SHFL: variants seen among roughly 807,000 people sequenced by gnomAD.
SHFL encodes shiftless antiviral inhibitor of ribosomal frameshifting protein.
A neutral mutation model predicts 34.7 loss-of-function variants in SHFL; 12 were observed. That is an observed-to-expected ratio of 0.35 (90% CI 0.22 to 0.56). The LOEUF (loss-of-function observed/expected upper bound fraction) is 0.56. SHFL is among the 20% of genes least tolerant of loss of function. The pLI is 0.88. For missense variants in SHFL, 278 were observed against 411.1 expected (o/e 0.68, Z 2.80); for synonymous variants, 148 against 156.0 (o/e 0.95, Z 0.38).
In SHFL at chr19:10,089,963, C is replaced by T. The variant is rs567222699; in HGVS notation, c.300C>T (p.Asp100=). ...TACGCATGTTTCAACGTGCCCAGGA[C>T]GACCTTATCCCTGCTGTGGACCGGC... ...ANLRMFQRAQ[D]DLIPAVDRQF... The change falls in exon 5 of 8, where the codon GAC becomes GAT. Residue 100 remains aspartate (D), a synonymous_variant. Transcript: ENST00000253110. The T allele has an allele frequency of 2.3e-5, 37 of 1,611,466 alleles. No individual in the cohort carries two copies. In the South Asian group the frequency reaches 2.9e-4, roughly 13 times the overall value.
chr19:10,089,886 C>CCCATT lies in SHFL; in HGVS notation c.235-8_235-4dup, dbSNP rs2088352232. 6.2e-7 allele frequency: 1 copy of CCCATT among 1,610,100 alleles called. No individual in the cohort carries two copies. The highest frequency in any genetic ancestry group is 8.5e-7 in the Non-Finnish European group (1 of 1,178,542). ...ACCCCCCCACCTCATCCCCACCTGC[C>CCCATT]CCATTCCACAGGCAGTGGCGACCTC... On this transcript the variant is annotated splice_polypyrimidine_tract_variant and intron_variant, in intron 4 of 7. Coordinates refer to ENST00000253110, the MANE Select transcript of SHFL (RefSeq NM_018381.4).
intron 2 of SHFL, 35 bp downstream of exon 2, chr19:10,087,087 A>G: frequency 6.2e-7 from 1 of 1,601,002 alleles, no homozygotes. Context: ...TGGTGCGGGG[A>G]CCGCGCGTGG....
chr19:10,090,112 A>G, intron 5 of SHFL, 65 bp downstream of exon 5: 1 of 1,519,188 alleles, frequency 6.6e-7, no homozygotes, highest in Non-Finnish European at 8.9e-7. Context: ...TCCTATCCTC[A>G]GTGACTGTAC....
Position 10,091,642 on chromosome 19 carries a change from C to T in SHFL, c.643+12C>T. The T allele has an allele frequency of 6.5e-7, 1 of 1,543,186 alleles. No homozygotes were observed. The highest frequency in any genetic ancestry group is 2.4e-5 in the East Asian group (1 of 40,834). On this transcript the variant is annotated intron_variant, in intron 7 of 7. Coordinates refer to ENST00000253110, the MANE Select transcript of SHFL (RefSeq NM_018381.4). This position sits in a 1 kb window ranked among gnomAD's most constrained non-coding sequence, Gnocchi z 8.2. ...CTACAACCGGCGAGGTGAGGCTCTT[C>T]TCCCCCAACAGCCTGGACAGTCTTT...
Position 10,089,680 on chromosome 19 carries a change from G to C in SHFL, c.219G>C (p.Gln73His), listed in dbSNP as rs765381361. ...AGGATCCACCAGAAGATATGAAGCA[G>C]GACCGGGACATTCAGGTGAGTTGGT... is the stretch of plus-strand genomic sequence containing the variant. ...DAQDPPEDMK[Q>H]DRDIQAVATS... is the part of the protein sequence containing the mutation. Residue 73 changes from glutamine (Q) to histidine (H), a missense_variant, in exon 4 of 8, where the codon CAG (glutamine) becomes CAC (histidine). Coordinates refer to ENST00000253110, the MANE Select transcript of SHFL (RefSeq NM_018381.4). 6.3e-7 allele frequency: 1 copy of C among 1,598,900 alleles called. No individual in the cohort carries two copies. The highest frequency in any genetic ancestry group is 1.1e-5 in the South Asian group (1 of 88,324).
chr19:10,091,429 C>A lies in SHFL; in HGVS notation c.489-47C>A, dbSNP rs1232622954. The A allele has an allele frequency of 3.2e-6, 5 of 1,551,324 alleles. No homozygotes were observed. The highest frequency in any genetic ancestry group is 1.4e-5 in the African/African-American group (1 of 73,556). Reference sequence around the variant, plus strand: ...TGCCCCTCCCTGCCCTGGCCCCACCCTGGCCCAGCCTCGCCCTCGGACCCT... The same window carrying A: ...TGCCCCTCCCTGCCCTGGCCCCACCATGGCCCAGCCTCGCCCTCGGACCCT... On this transcript the variant is annotated intron_variant, in intron 6 of 7. Transcript: ENST00000253110. The surrounding 1 kb of genome is among the most constrained non-coding windows in gnomAD (Gnocchi z 8.2).
In SHFL at chr19:10,086,807, G is replaced by GT. The variant is rs888581189; in HGVS notation, c.22-122_22-121insT. On this transcript the variant is annotated intron_variant, in intron 1 of 7. Transcript: ENST00000253110. This position sits in a 1 kb window ranked among gnomAD's most constrained non-coding sequence, Gnocchi z 5.2. The stretch of plus-strand genomic sequence containing the variant: ...ATGCCGTAAAGGGATGAAAGGCGGG[G>GT]GGGGGGCGGCGGAGGCCAAAACCAA... The GT allele has an allele frequency of 2.8e-5, 33 of 1,194,766 alleles. No individual in the cohort carries two copies. Among genetic ancestry groups the GT allele is most frequent in the Non-Finnish European group, 3.4e-5 (29 of 855,280 alleles). The allele number at this position is 1,194,766 out of a possible 1,614,324, so 74.0% of individuals were successfully genotyped here.
At chr19:10,087,103 C>T in intron 2 of SHFL, 51 bp downstream of exon 2, 2 of 1,595,998 alleles carry the variant, frequency 1.3e-6, no homozygotes, top group Non-Finnish European at 1.7e-6. Context: ...CGTGGGAGCG[C>T]CGAGGGGGCG....
chr19:10,088,448 AG>A (rs974740343), intron 3 of SHFL, among the ~76,000 whole-genome samples: 104 of 150,870 alleles, frequency 6.9e-4, no homozygotes, highest in African/African-American at 1.7e-3. Flanking sequence ...AGGCCCCTGT[AG>A]TCCCAGCTAC....
At chr19:10,090,220 G>C in intron 5 of SHFL, 173 bp downstream of exon 5, 1 of 725,440 alleles carries the variant, frequency 1.4e-6, no homozygotes, top group Non-Finnish European at 2.3e-6. Flanking sequence ...ACCCAGGACT[G>C]GACTTCTGAC....
At position 10,092,862 on chromosome 19, in the gene SHFL, C is replaced by G; in HGVS notation, c.*560C>G. On this transcript the variant is annotated 3_prime_UTR_variant, in exon 8 of 8. Coordinates refer to ENST00000253110, the MANE Select transcript of SHFL (RefSeq NM_018381.4). ...CTCACAGTGCAAGGCTTTTGCCAGG[C>G]ATCCCCTGGCCCCTCCCATTCTTAT... 3.5e-6 allele frequency: 4 copies of G among 1,157,224 alleles called. 1 individual carries two copies. The South Asian group carries it at 5.5e-5, about 16-fold the overall frequency. The allele number at this position is 1,157,224 out of a possible 1,614,324, so 71.7% of individuals were successfully genotyped here.
At chr19:10,089,824 G>A in intron 4 of SHFL, 74 bp from the exon 5 acceptor site, 1 of 1,572,452 alleles carries the variant, frequency 6.4e-7, no homozygotes, top group Non-Finnish European at 8.6e-7. Flanking sequence ...TGTAGGGAGA[G>A]GAGGGCTGAT....
Position 10,091,772 on chromosome 19 carries a change from G to T in SHFL, c.643+142G>T. The T allele has an allele frequency of 8.2e-7, 1 of 1,224,322 alleles. No homozygotes were observed. Among genetic ancestry groups the T allele is most frequent in the Non-Finnish European group, 1.1e-6 (1 of 899,520 alleles). 75.8% of individuals were successfully genotyped at this position (1,224,322 alleles called of 1,614,324 possible). A position where few individuals can be genotyped will look rare whatever the true frequency, so the allele number is the denominator to read the frequency against. On this transcript the variant is annotated intron_variant, in intron 7 of 7. Coordinates refer to ENST00000253110, the MANE Select transcript of SHFL (RefSeq NM_018381.4). This position sits in a 1 kb window ranked among gnomAD's most constrained non-coding sequence, Gnocchi z 8.2. ...TGGCCTCCATGACCCCCCAGTCTCC[G>T]TGGTCTTGCCCAGGAGGCTCTGAGG...
chr19:10,086,871 G>A lies in SHFL; in HGVS notation c.22-58G>A, dbSNP rs1237758584. 6.3e-7 allele frequency: 1 copy of A among 1,599,562 alleles called. No individual in the cohort carries two copies. The highest frequency in any genetic ancestry group is 2.2e-5 in the East Asian group (1 of 44,562). ...GCCGGGAGAACGGTGCCTAGAGATG[G>A]GGGAGGGATGATCCCGTTTCCCCTT... On this transcript the variant is annotated intron_variant, in intron 1 of 7. Transcript: ENST00000253110. The surrounding 1 kb of genome is among the most constrained non-coding windows in gnomAD (Gnocchi z 5.2).
At position 10,090,302 on chromosome 19, in the gene SHFL, C is replaced by A. The variant is rs1472914196; in HGVS notation, c.384+255C>A. On this transcript the variant is annotated intron_variant, in intron 5 of 7. Transcript: ENST00000253110. ...TTGACCCACAATTGAACAGCTACTA[C>A]AGAAATCAAACCTGGCCAGGCGCAG... 5.9e-6 allele frequency: 3 copies of A among 510,370 alleles called. No homozygotes were observed. In the East Asian group the frequency reaches 1.0e-4, roughly 17 times the overall value. The allele number at this position is 510,370 out of a possible 1,614,324, so 31.6% of individuals were successfully genotyped here.
rs2088291336 is a variant in SHFL, at chr19:10,086,744, C to T, written c.22-185C>T. 4 of 747,396 alleles carry T rather than the reference C, an allele frequency of 5.4e-6. No homozygotes were observed. The highest frequency in any genetic ancestry group is 8.6e-6 in the Non-Finnish European group (4 of 467,366). The allele number at this position is 747,396 out of a possible 1,614,324, so 46.3% of individuals were successfully genotyped here. ...GACGCTCGCCCCAGTCCGCGCCTTC[C>T]CCCAACGCCCTGTGGGGACTTTGGC... On this transcript the variant is annotated intron_variant, in intron 1 of 7. Transcript: ENST00000253110. This position sits in a 1 kb window ranked among gnomAD's most constrained non-coding sequence, Gnocchi z 5.2.
chr19:10,090,673 G>A, intron 5 of SHFL, among the ~76,000 whole-genome samples: 1 of 151,796 alleles, frequency 6.6e-6, no homozygotes, highest in East Asian at 2.0e-4. Flanking sequence ...AAACTCCTGG[G>A]CTCAAGCAAT....
At chr19:10,088,973 T>TAATAATAAC (rs1466891340) in intron 3 of SHFL, 1 of 149,000 alleles carries the variant, frequency 6.7e-6, no homozygotes, top group African/African-American at 2.5e-5. Flanking sequence ...ATAATAATAA[T>TAATAATAAC]AATAATAATA....
chr19:10,087,577 T>C (rs2145151460), intron 3 of SHFL: 2 of 515,934 alleles, frequency 3.9e-6, no homozygotes, highest in South Asian at 2.2e-5. Context: ...ATTGCCATCA[T>C]AGCGGGGGCG....
Sources: gnomAD v4.1 joint callset for allele counts (sites outside exome capture counted in the v4.1 genomes callset) on GRCh38, gnomAD v4.1.1 for gene constraint, Gnocchi (gnomAD v3.1) non-coding constraint, MANE v1.5 for transcripts, NCBI Gene and HGNC (gene_info 2026-07-23, HGNC 2026-07-21) for gene names.